PTK2: variants seen among roughly 807,000 people sequenced by gnomAD.
PTK2 encodes the protein protein tyrosine kinase 2.
Under a neutral mutation model 150.1 loss-of-function variants are expected in PTK2, and 45 were observed. The observed-to-expected ratio is 0.30, with a 90% CI of 0.24 to 0.38. The LOEUF (loss-of-function observed/expected upper bound fraction) is 0.38, where lower values mean the gene tolerates loss of function less well. PTK2 is among the 10% of genes least tolerant of loss of function. The pLI, the probability that PTK2 is intolerant of heterozygous loss-of-function variation, is 1.00. For missense variants in PTK2, 919 were observed against 1,307.3 expected (o/e 0.70, Z 4.58); for synonymous variants, 432 against 449.2 (o/e 0.96, Z 0.48).
chr8:140,764,302 GA>G lies in PTK2; in HGVS notation c.1178-13del. ...ATAATCATCTGTTTCTGCAGGAAAA[GA>G]AACAGATATGTTGAAAGAGGTTAAA... On this transcript the variant is annotated splice_polypyrimidine_tract_variant and intron_variant, in intron 14 of 31. Transcript: ENST00000522684. 1 of 1,599,860 alleles carries G rather than the reference GA, an allele frequency of 6.3e-7. No individual in the cohort carries two copies. The highest frequency in any genetic ancestry group is 8.6e-7 in the Non-Finnish European group (1 of 1,168,594).
intron 1 of PTK2, among the ~76,000 whole-genome samples, chr8:140,981,534 C>G (rs1474841136): frequency 1.3e-5 from 2 of 152,326 alleles, no homozygotes; most frequent in East Asian, 3.9e-4. Context: ...TACACGAGAA[C>G]AGCAAACTAT....
chr8:140,803,708 T>C lies in PTK2; in HGVS notation c.868-58A>G, dbSNP rs1368486652. On this transcript the variant is annotated intron_variant, in intron 10 of 31. Transcript: ENST00000522684. ...CGGATAAAAAACTCATTTCACAGAG[T>C]CTGTAAATGTTCTGTGAAATCCTCG... 4 of 1,435,388 alleles carry C rather than the reference T, an allele frequency of 2.8e-6. No homozygotes were observed. In the African/African-American group the frequency reaches 5.6e-5, roughly 20 times the overall value. The allele number at this position is 1,435,388 out of a possible 1,614,324, so 88.9% of individuals were successfully genotyped here.
At chr8:140,738,904 T>A (rs951344555) in intron 21 of PTK2, 114 bp downstream of exon 24, 1 of 546,186 alleles carries the variant, frequency 1.8e-6, no homozygotes, top group African/African-American at 1.9e-5. Context: ...GATGAGGAGA[T>A]GATCAGGTTA....
At chr8:140,676,493 C>T (rs769205851) in intron 27 of PTK2, among the ~76,000 whole-genome samples, 3 of 150,696 alleles carry the variant, frequency 2.0e-5, no homozygotes, top group Non-Finnish European at 4.4e-5. Flanking sequence ...AAACAACTTA[C>T]AAACAGAAAA....
chr8:140,776,665 A>G (rs1282218933), intron 14 of PTK2, among the ~76,000 whole-genome samples: 1 of 152,238 alleles, frequency 6.6e-6, no homozygotes, highest in African/African-American at 2.4e-5. Flanking sequence ...CTTGGCGTGA[A>G]TATCAGTTCC....
intron 3 of PTK2, among the ~76,000 whole-genome samples, chr8:140,880,376 C>G (rs926573391): frequency 2.0e-5 from 3 of 152,168 alleles, no homozygotes; most frequent in Non-Finnish European, 4.4e-5. Context: ...AGTGTTAGAA[C>G]TGACTCTTGC....
chr8:140,669,857 AAG>A, intron 29 of PTK2, 122 bp from the exon 33 acceptor site: 1 of 1,162,556 alleles, frequency 8.6e-7, no homozygotes, highest in Non-Finnish European at 1.2e-6. Context: ...GCAGAACAAA[AAG>A]GAGCTAGTTT....
At chr8:140,733,147 T>TG (rs1226445662) in intron 22 of PTK2, among the ~76,000 whole-genome samples, 1 of 151,440 alleles carries the variant, frequency 6.6e-6, no homozygotes, top group Non-Finnish European at 1.5e-5. Context: ...GGATGGAGGG[T>TG]GGGGGGCAGG....
chr8:140,746,649 T>C, intron 18 of PTK2, 111 bp downstream of exon 21: 2 of 738,612 alleles, frequency 2.7e-6, no homozygotes, highest in Middle Eastern at 2.7e-4. Context: ...ACATACATCC[T>C]AAATCAGAAC....
intron 31 of PTK2, among the ~76,000 whole-genome samples, chr8:140,662,466 C>T (rs10107434): frequency 0.43 from 64,797 of 151,874 alleles, 14,338 homozygotes; most frequent in Non-Finnish European, 0.49. Context: ...TTGCCTCTAG[C>T]ATATGGAACT....
At chr8:140,764,654 A>C (rs180951926) in intron 14 of PTK2, 1 of 344,084 alleles carries the variant, frequency 2.9e-6, no homozygotes, top group East Asian at 4.4e-5. Context: ...ACAGTTGTCT[A>C]CTGGGCTTTC....
chr8:140,714,936 C>T (rs1374603945), intron 23 of PTK2, among the ~76,000 whole-genome samples: 2 of 151,242 alleles, frequency 1.3e-5, no homozygotes, highest in African/African-American at 4.9e-5. Flanking sequence ...ACTGGCCTAC[C>T]ATCTTGGAAA....
chr8:140,869,059 T>G (rs185016668), intron 4 of PTK2, among the ~76,000 whole-genome samples: 2 of 152,288 alleles, frequency 1.3e-5, no homozygotes, highest in East Asian at 3.9e-4. Context: ...TGAGAATTTT[T>G]AAATTCCCAC....
rs1343428404 is a variant in PTK2 at position 140,975,132 on chromosome 8, A to C, written c.-122+25993T>G. On this transcript the variant is annotated intron_variant, in intron 1 of 31. Coordinates refer to ENST00000522684, the Ensembl canonical transcript of PTK2. ...TTATTAAATAGACTGTATGTTACTA[A>C]ATTCGACCTCTGAACTTTATCCCTC... Among the ~76,000 whole-genome samples, 7 of 152,304 alleles carry C rather than the reference A, an allele frequency of 4.6e-5. No homozygotes were observed. In the East Asian group the frequency reaches 7.7e-4, roughly 17 times the overall value.
chr8:140,927,858 G>A (rs1390188027), intron 1 of PTK2, among the ~76,000 whole-genome samples: 2 of 149,514 alleles, frequency 1.3e-5, no homozygotes, highest in East Asian at 2.0e-4. Flanking sequence ...GGGAGGCTGA[G>A]GCAGGAGAAT....
intron 8 of PTK2, among the ~76,000 whole-genome samples, chr8:140,825,456 T>C (rs1483818870): frequency 6.6e-6 from 1 of 152,220 alleles, no homozygotes; most frequent in Non-Finnish European, 1.5e-5. Context: ...ACCACATTAT[T>C]ACTTGAGAAT....
intron 16 of PTK2, among the ~76,000 whole-genome samples, chr8:140,754,563 T>A (rs2100064603): frequency 6.6e-6 from 1 of 152,220 alleles, no homozygotes; most frequent in South Asian, 2.1e-4. Flanking sequence ...AAAACCATCA[T>A]TAATCCTGTC....
rs1361010281 is a variant in PTK2, at chr8:140,959,868, T to G, written c.-121-34119A>C. ...CCTCCTTTTCCAACAAAAAATAAATTAGCTGGGCATGGTGGCACATGCCTT... is the reference window on the plus strand; with the variant it reads ...CCTCCTTTTCCAACAAAAAATAAATGAGCTGGGCATGGTGGCACATGCCTT... On this transcript the variant is annotated intron_variant, in intron 1 of 31. Coordinates refer to ENST00000522684, the Ensembl canonical transcript of PTK2. Among the ~76,000 whole-genome samples the G allele has an allele frequency of 7.3e-5, 11 of 151,110 alleles. No homozygotes were observed. The East Asian group carries it at 2.0e-3, about 27-fold the overall frequency.
intron 27 of PTK2, among the ~76,000 whole-genome samples, chr8:140,680,675 G>A (rs76909412): frequency 5.3e-5 from 8 of 152,160 alleles, no homozygotes; most frequent in Admixed American, 4.6e-4. Flanking sequence ...TTTTCACACC[G>A]ATTCTCACTC....
Sources: gnomAD v4.1 joint callset for allele counts (sites outside exome capture counted in the v4.1 genomes callset) on GRCh38, gnomAD v4.1.1 for gene constraint, MANE v1.5 for transcripts, NCBI Gene and HGNC (gene_info 2026-07-23, HGNC 2026-07-21) for gene names.